Variants in CDH12 observed in about 807,000 individuals in gnomAD.
CDH12 encodes the protein cadherin 12.
A neutral mutation model predicts 74.1 loss-of-function variants in CDH12; 41 were observed. The observed-to-expected ratio is 0.55, with a 90% confidence interval of 0.43 to 0.72. CDH12 has a LOEUF of 0.72. Ranked by LOEUF, CDH12 falls within the 30% of genes least tolerant of loss-of-function variation. The probability of loss-of-function intolerance (pLI) is 0.00; values close to 1 mark genes in which losing one functional copy is unlikely to be tolerated. For missense variants in CDH12, 945 were observed against 977.2 expected, an observed-to-expected ratio of 0.97 and a Z score of 0.44; for synonymous variants, 399 against 355.0, an observed-to-expected ratio of 1.12 and a Z score of -1.39.
chr5:21,782,830 A>G (rs1745987490), intron 11 of CDH12, among the ~76,000 whole-genome samples: 2 of 152,160 alleles, frequency 1.3e-5, no homozygotes, highest in Admixed American at 1.3e-4. Context: ...TCCTAATAAT[A>G]ATAAACATTT....
At chr5:22,395,907 A>T (rs1742437884) in intron 3 of CDH12, among the ~76,000 whole-genome samples, 1 of 152,082 alleles carries the variant, frequency 6.6e-6, no homozygotes, top group Admixed American at 6.6e-5. Context: ...GTCAGTAAGG[A>T]TATGTGGTTT....
At chr5:22,804,518 T>TGAA (rs1748688518) in intron 1 of CDH12, among the ~76,000 whole-genome samples, 1 of 152,178 alleles carries the variant, frequency 6.6e-6, no homozygotes, top group Admixed American at 6.6e-5. Context: ...GTCGTGAGTC[T>TGAA]GAAATTCAAT....
chr5:22,852,151 T>C (rs1182654533), intron 1 of CDH12, among the ~76,000 whole-genome samples: 1 of 152,258 alleles, frequency 6.6e-6, no homozygotes, highest in East Asian at 1.9e-4. Context: ...CGATGAGAAA[T>C]TGAGAATCAT....
intron 1 of CDH12, among the ~76,000 whole-genome samples, chr5:22,663,898 C>CT (rs201933694): frequency 2.7e-5 from 4 of 150,662 alleles, no homozygotes; most frequent in Admixed American, 6.6e-5. Context: ...TTTTTAACCA[C>CT]TTTTTTTTTA....
intron 1 of CDH12, among the ~76,000 whole-genome samples, chr5:22,592,833 C>A (rs1580798370): frequency 6.6e-6 from 1 of 151,838 alleles, no homozygotes; most frequent in South Asian, 2.1e-4. Context: ...TGTTCACGAC[C>A]AGCCTGTCCA....
intron 4 of CDH12, among the ~76,000 whole-genome samples, chr5:22,178,869 T>C (rs943705159): frequency 6.6e-6 from 1 of 152,284 alleles, no homozygotes; most frequent in African/African-American, 2.4e-5. Context: ...TATTGCACTT[T>C]AATAACAAAT....
intron 1 of CDH12, among the ~76,000 whole-genome samples, chr5:22,625,857 C>T (rs527486698): frequency 6.6e-6 from 1 of 152,072 alleles, no homozygotes; most frequent in African/African-American, 2.4e-5. Context: ...TTTCAGCATC[C>T]CCCCCACAGT....
rs541295755 is a variant in CDH12, at chr5:22,074,016, AGG to A, written c.231+4428_231+4429del. ...AGAACAATGTAAGTTTGAACTGCAT[AGG>A]TTTACTTTATGTGGATTTTCTTCCA... On this transcript the variant is annotated intron_variant, in intron 5 of 14. Transcript: ENST00000382254. 3.4e-3 allele frequency among the ~76,000 whole-genome samples: 525 copies of A among 152,274 alleles called. 1 individual carries two copies. Among genetic ancestry groups the A allele is most frequent in the African/African-American group, 0.012 (511 of 41,568 alleles).
At chr5:22,077,643 T>A (rs552101658) in intron 5 of CDH12, among the ~76,000 whole-genome samples, 5 of 151,914 alleles carry the variant, frequency 3.3e-5, no homozygotes, top group East Asian at 1.9e-4. Flanking sequence ...TTGGGGAAAT[T>A]TTTTTTTGGT....
chr5:22,426,413 T>C (rs1034639606), intron 2 of CDH12, among the ~76,000 whole-genome samples: 1 of 152,068 alleles, frequency 6.6e-6, no homozygotes, highest in Non-Finnish European at 1.5e-5. Flanking sequence ...TATTGTATTA[T>C]GCCTATGGTC....
intron 2 of CDH12, among the ~76,000 whole-genome samples, chr5:22,501,760 A>C (rs947531530): frequency 4.0e-5 from 6 of 151,202 alleles, no homozygotes; most frequent in African/African-American, 1.2e-4. Context: ...AAAAAAAAAA[A>C]ACAGATGGCT....
chr5:22,546,985 T>G (rs1490217523), intron 1 of CDH12, among the ~76,000 whole-genome samples: 1 of 152,164 alleles, frequency 6.6e-6, no homozygotes, highest in Non-Finnish European at 1.5e-5. Flanking sequence ...GTTTGGAAAA[T>G]GCGATTGTAA....
intron 6 of CDH12, among the ~76,000 whole-genome samples, chr5:21,881,568 C>T (rs1204460552): frequency 2.0e-5 from 3 of 152,098 alleles, no homozygotes; most frequent in South Asian, 2.1e-4. Flanking sequence ...TTTGTTTGGA[C>T]ATTCTTGGCA....
intron 1 of CDH12, among the ~76,000 whole-genome samples, chr5:22,738,737 G>C (rs891320017): frequency 2.0e-5 from 3 of 151,932 alleles, no homozygotes; most frequent in African/African-American, 7.2e-5. Context: ...ATAAAACCAT[G>C]AAATTACACA....
At chr5:21,783,542 T>C (rs768768504) in intron 10 of CDH12, 48 bp from the exon 11 acceptor site, 3 of 1,427,864 alleles carry the variant, frequency 2.1e-6, no homozygotes, top group African/African-American at 1.4e-5. Context: ...TACACATTAA[T>C]CATAATGGCA....
At chr5:22,265,309 C>G (rs930704802) in intron 3 of CDH12, among the ~76,000 whole-genome samples, 1 of 152,126 alleles carries the variant, frequency 6.6e-6, no homozygotes, top group Non-Finnish European at 1.5e-5. Flanking sequence ...GATTATAACA[C>G]GAACACTTTC....
At chr5:21,904,938 C>A (rs1753567350) in intron 6 of CDH12, among the ~76,000 whole-genome samples, 1 of 152,070 alleles carries the variant, frequency 6.6e-6, no homozygotes, top group Non-Finnish European at 1.5e-5. Flanking sequence ...TAGAAAAGTC[C>A]CCCCAAATAA....
rs529638771 is a variant in CDH12, at chr5:22,217,653, T to C, written c.-332-5010A>G. 4.0e-5 allele frequency among the ~76,000 whole-genome samples: 6 copies of C among 151,856 alleles called. No homozygotes were observed. In the South Asian group the frequency reaches 6.2e-4, roughly 16 times the overall value. ...TTAAGAATATTAAACTCACTTTCTA[T>C]TGAATTCACTAAAAGATACTAAAAA... On this transcript the variant is annotated intron_variant, in intron 3 of 14. Coordinates refer to ENST00000382254, the MANE Select transcript of CDH12 (RefSeq NM_004061.5).
At chr5:21,802,733 A>C (rs1311313684) in intron 9 of CDH12, among the ~76,000 whole-genome samples, 3 of 151,440 alleles carry the variant, frequency 2.0e-5, no homozygotes, top group Non-Finnish European at 4.4e-5. Context: ...CTGGGACTAC[A>C]GGCGCCCGCC....
Sources: gnomAD v4.1 joint callset for allele counts (sites outside exome capture counted in the v4.1 genomes callset) on GRCh38, gnomAD v4.1.1 for gene constraint, MANE v1.5 for transcripts, NCBI Gene and HGNC (gene_info 2026-07-23, HGNC 2026-07-21) for gene names.